The following ARHGAP6 variants were observed in gnomAD, a reference collection of about 807,000 sequenced individuals.
ARHGAP6 encodes the protein rho GTPase-activating protein 6.
A neutral mutation model predicts 55.7 loss-of-function variants in ARHGAP6; 16 were observed. The observed-to-expected ratio is 0.29, with a 90% CI of 0.19 to 0.44. The LOEUF is 0.44. ARHGAP6 is among the 20% of genes least tolerant of loss of function. The pLI is 1.00. For synonymous variants in ARHGAP6, 382 were observed against 360.9 expected (o/e 1.06, Z -0.66); for missense variants, 698 against 808.9 (o/e 0.86, Z 1.66).
At chrX:11,537,395 C>T (rs1039706314) in intron 1 of ARHGAP6, among the ~76,000 whole-genome samples, 2 of 111,804 alleles carry the variant, frequency 1.8e-5, no homozygotes, top group African/African-American at 6.5e-5. Flanking sequence ...CAAAGAATTA[C>T]CCTGCCCAAA....
chrX:11,470,337 T>C (rs933115297), intron 1 of ARHGAP6, among the ~76,000 whole-genome samples: 1 of 111,725 alleles, frequency 9.0e-6, no homozygotes, highest in Admixed American at 9.5e-5. Flanking sequence ...ACAAGTTAAA[T>C]GAGTAAACCT....
intron 1 of ARHGAP6, among the ~76,000 whole-genome samples, chrX:11,574,107 C>G (rs2051566309): frequency 9.0e-6 from 1 of 110,507 alleles, no homozygotes; most frequent in Non-Finnish European, 1.9e-5. Flanking sequence ...AAAAAGAGTC[C>G]AGGACCAGAT....
At chrX:11,501,525 GAAC>G (rs1348009964) in intron 1 of ARHGAP6, among the ~76,000 whole-genome samples, 1 of 111,379 alleles carries the variant, frequency 9.0e-6, no homozygotes, top group African/African-American at 3.3e-5. Flanking sequence ...ACTGACATTT[GAAC>G]AACATGAGAG....
intron 1 of ARHGAP6, among the ~76,000 whole-genome samples, chrX:11,430,418 C>T (rs2049930544): frequency 8.9e-6 from 1 of 112,200 alleles, no homozygotes; most frequent in Non-Finnish European, 1.9e-5. Context: ...TTGGGCAAAG[C>T]ACCTAAAGAA....
chrX:11,254,717 A>G lies in ARHGAP6; in HGVS notation c.589-10T>C, dbSNP rs2047470007. 1 of 105,155 alleles carries G rather than the reference A, an allele frequency of 9.5e-6. No individual in the cohort carries two copies. Among genetic ancestry groups the G allele is most frequent in the South Asian group, 3.3e-4 (1 of 2,998 alleles). 8.7% of individuals were successfully genotyped at this position (105,155 alleles called of 1,213,427 possible). On this transcript the variant is annotated splice_polypyrimidine_tract_variant and intron_variant, in intron 1 of 12. Transcript: ENST00000337414. ...TCCAGGTGAAATCACCCTGTAGGCC[A>G]AAAAAAAAAAAAAAAAAAAAATCAA...
intron 1 of ARHGAP6, among the ~76,000 whole-genome samples, chrX:11,561,437 A>G (rs1221741839): frequency 8.9e-6 from 1 of 111,966 alleles, no homozygotes; most frequent in Non-Finnish European, 1.9e-5. Context: ...AAATGCATAC[A>G]ATAACGCAGG....
At chrX:11,530,704 C>T (rs2051039111) in intron 1 of ARHGAP6, among the ~76,000 whole-genome samples, 1 of 111,242 alleles carries the variant, frequency 9.0e-6, no homozygotes, top group Non-Finnish European at 1.9e-5. Flanking sequence ...TGAGCATGAG[C>T]CATGTGGATA....
At chrX:11,619,620 C>CA (rs2052204830) in intron 1 of ARHGAP6, among the ~76,000 whole-genome samples, 1 of 111,607 alleles carries the variant, frequency 9.0e-6, no homozygotes, top group Non-Finnish European at 1.9e-5. Flanking sequence ...TGCCCTCTAA[C>CA]AAAAATATTT....
chrX:11,618,567 T>C (rs1374835970), intron 1 of ARHGAP6, among the ~76,000 whole-genome samples: 2 of 112,171 alleles, frequency 1.8e-5, no homozygotes, highest in African/African-American at 6.5e-5. Context: ...AGTGAATCAT[T>C]GTAGATTGTA....
At chrX:11,443,427 C>G (rs944207068) in intron 1 of ARHGAP6, among the ~76,000 whole-genome samples, 1 of 111,835 alleles carries the variant, frequency 8.9e-6, no homozygotes, top group Non-Finnish European at 1.9e-5. Flanking sequence ...TGGAATGGCT[C>G]CATCACAGAG....
intron 2 of ARHGAP6, among the ~76,000 whole-genome samples, chrX:11,218,826 T>C (rs2046918270): frequency 8.9e-6 from 1 of 111,747 alleles, no homozygotes; most frequent in African/African-American, 3.3e-5. Context: ...GATCATTTTT[T>C]ATTGTGTCTA....
intron 1 of ARHGAP6, among the ~76,000 whole-genome samples, chrX:11,660,530 C>CAAAAAAAAAAAAAA (rs56274949): frequency 2.6e-4 from 7 of 27,303 alleles, no homozygotes; most frequent in Non-Finnish European, 2.9e-4. Flanking sequence ...CTCTCTCTCT[C>CAAAAAAAAAAAAAA]AAAAAAAAAA....
At chrX:11,161,527 C>T (rs1251155730) in intron 9 of ARHGAP6, among the ~76,000 whole-genome samples, 1 of 110,794 alleles carries the variant, frequency 9.0e-6, no homozygotes, top group Non-Finnish European at 1.9e-5. Context: ...GGATTCTGTT[C>T]CCACATCTGA....
intron 2 of ARHGAP6, among the ~76,000 whole-genome samples, chrX:11,214,566 G>A (rs2046851119): frequency 1.8e-5 from 2 of 112,634 alleles, no homozygotes; most frequent in Admixed American, 1.9e-4. Context: ...CCCACTCCTG[G>A]GTCCTTGCTT....
Position 11,629,140 on chromosome X carries a change from T to C in ARHGAP6, c.588+35101A>G, listed in dbSNP as rs190657247. ...AGGAAAGGAGGGAACCTGCCTACTT[T>C]CCTCCATCTCCACCACCTTCATCTG... On this transcript the variant is annotated intron_variant, in intron 1 of 12. Coordinates refer to ENST00000337414, the MANE Select transcript of ARHGAP6 (RefSeq NM_013427.3). 8.9e-5 allele frequency among the ~76,000 whole-genome samples: 10 copies of C among 111,815 alleles called. No individual in the cohort carries two copies. The East Asian group carries it at 2.2e-3, about 25-fold the overall frequency.
In ARHGAP6 at chrX:11,532,672, A is replaced by T. The variant is rs184236942; in HGVS notation, c.588+131569T>A. ...TAAAAAGAAGACTATTTCATGAAAAACCTATCAAATTCCAATCTCAGCATT... is the reference window on the plus strand; with the variant it reads ...TAAAAAGAAGACTATTTCATGAAAATCCTATCAAATTCCAATCTCAGCATT... On this transcript the variant is annotated intron_variant, in intron 1 of 12. Coordinates refer to ENST00000337414, the MANE Select transcript of ARHGAP6 (RefSeq NM_013427.3). Among the ~76,000 whole-genome samples the T allele has an allele frequency of 3.6e-4, 28 of 78,735 alleles. No homozygotes were observed. In the East Asian group the frequency reaches 7.5e-3, roughly 21 times the overall value. The allele number at this position is 78,735 out of a possible 115,157, so 68.4% of individuals were successfully genotyped here.
At chrX:11,152,692 C>G (rs1222607922) in intron 10 of ARHGAP6, among the ~76,000 whole-genome samples, 1 of 112,098 alleles carries the variant, frequency 8.9e-6, no homozygotes, top group Non-Finnish European at 1.9e-5. Context: ...GATTCATGGT[C>G]TGGAGCATTG....
At chrX:11,484,521 G>GAAGAAGT (rs1158891498) in intron 1 of ARHGAP6, among the ~76,000 whole-genome samples, 1 of 88,516 alleles carries the variant, frequency 1.1e-5, no homozygotes, top group African/African-American at 4.7e-5. Flanking sequence ...AAGGAAGAAG[G>GAAGAAGT]AGGCAGAGGA....
chrX:11,602,762 C>T (rs751875391), intron 1 of ARHGAP6, among the ~76,000 whole-genome samples: 3 of 112,405 alleles, frequency 2.7e-5, no homozygotes, highest in Non-Finnish European at 5.6e-5. Context: ...GCCAGACCCA[C>T]GCTGGAGCTC....
Sources: gnomAD v4.1 joint callset for allele counts (sites outside exome capture counted in the v4.1 genomes callset) on GRCh38, gnomAD v4.1.1 for gene constraint, MANE v1.5 for transcripts, NCBI Gene and HGNC (gene_info 2026-07-23, HGNC 2026-07-21) for gene names.